The following C2CD2 variants were observed in gnomAD, a reference collection of about 807,000 sequenced individuals.
The protein encoded by C2CD2 is C2 calcium dependent domain containing 2.
A neutral mutation model predicts 74.3 loss-of-function variants in C2CD2; 43 were observed. The ratio of observed to expected loss-of-function variants is 0.58; its 90% CI spans 0.45 to 0.75. The LOEUF (loss-of-function observed/expected upper bound fraction) is 0.75, where lower values mean the gene tolerates loss of function less well. Among genes scored for constraint, C2CD2 ranks in the 30% least tolerant of loss-of-function variants. The pLI is 0.00. For missense variants in C2CD2, 801 were observed against 916.3 expected, an observed-to-expected ratio of 0.87 and a Z score of 1.63; for synonymous variants, 422 against 390.7, an observed-to-expected ratio of 1.08 and a Z score of -0.94.
rs138524964 is a variant in C2CD2, at chr21:41,906,487, T to C, written c.1318+505A>G. On this transcript the variant is annotated intron_variant, in intron 10 of 13. Transcript: ENST00000380486. ...TTCAAGCAATTCTCCTGCCTCGGCC[T>C]CCAGAGTGGCTAGGACTCCACGCAC... Among the ~76,000 whole-genome samples the C allele has an allele frequency of 7.9e-3, 1,204 of 152,342 alleles. 35 individuals are homozygous for C. In the South Asian group the frequency reaches 0.079, roughly 10 times the overall value.
Position 41,918,949 on chromosome 21 carries a change from G to A in C2CD2, c.504C>T (p.His168=). The change falls in exon 4 of 14, where the codon CAC becomes CAT. Residue 168 remains histidine (H), a synonymous_variant. Coordinates refer to ENST00000380486, the MANE Select transcript of C2CD2 (RefSeq NM_015500.2). ...LSPFHLQLEF[H]MKEKREDLQI... ...GGAGGTCCTCTCTCTTCTCCTTCATGTGGAACTCCAGCTATTAAAAAACAA... is the reference window on the plus strand; with the variant it reads ...GGAGGTCCTCTCTCTTCTCCTTCATATGGAACTCCAGCTATTAAAAAACAA... The A allele has an allele frequency of 2.5e-6, 4 of 1,613,500 alleles. No homozygotes were observed. The highest frequency in any genetic ancestry group is 3.4e-6 in the Non-Finnish European group (4 of 1,179,422).
At position 41,926,019 on chromosome 21, in the gene C2CD2, T is replaced by C. The variant is rs558339696; in HGVS notation, c.379-3934A>G. On this transcript the variant is annotated intron_variant, in intron 2 of 13. Coordinates refer to ENST00000380486, the MANE Select transcript of C2CD2 (RefSeq NM_015500.2). This position sits in a 1 kb window ranked among gnomAD's most constrained non-coding sequence, Gnocchi z 8.0. ...CCCTGAGTGTTTCCCTCTGAAACAGTCTGCTATTAATACAGGATTTTAAAA... is the reference window on the plus strand; with the variant it reads ...CCCTGAGTGTTTCCCTCTGAAACAGCCTGCTATTAATACAGGATTTTAAAA... Among the ~76,000 whole-genome samples the C allele has an allele frequency of 3.9e-5, 6 of 152,312 alleles. No individual in the cohort carries two copies. Among genetic ancestry groups the C allele is most frequent in the African/African-American group, 1.4e-4 (6 of 41,562 alleles).
chr21:41,907,256 A>G (rs749052596), intron 9 of C2CD2, 90 bp from the exon 10 acceptor site: 94 of 979,750 alleles, frequency 9.6e-5, no homozygotes, highest in Non-Finnish European at 1.4e-4. Flanking sequence ...TGAAATAACC[A>G]TAATTCATAA....
intron 2 of C2CD2, 130 bp downstream of exon 2, chr21:41,942,017 G>T: frequency 8.1e-7 from 1 of 1,230,432 alleles, no homozygotes; most frequent in Non-Finnish European, 1.1e-6. Flanking sequence ...CAGCTGATGG[G>T]CCAGATGGTT....
intron 1 of C2CD2, among the ~76,000 whole-genome samples, chr21:41,949,286 T>A (rs1331966093): frequency 6.6e-6 from 1 of 152,180 alleles, no homozygotes; most frequent in East Asian, 1.9e-4. Flanking sequence ...TAAATATTGA[T>A]GTAATCGCAG....
Position 41,947,262 on chromosome 21 carries a change from A to G in C2CD2, c.280-5017T>C, listed in dbSNP as rs553636392. On this transcript the variant is annotated intron_variant, in intron 1 of 13. Coordinates refer to ENST00000380486, the MANE Select transcript of C2CD2 (RefSeq NM_015500.2). ...AACCTCTGCCTCCTGGGTTCAAGCA[A>G]TTCTCCTGCCTCAGCATCCCGAGTA... Among the ~76,000 whole-genome samples, 4 of 151,494 alleles carry G rather than the reference A, an allele frequency of 2.6e-5. No individual in the cohort carries two copies. In the East Asian group the frequency reaches 5.8e-4, roughly 22 times the overall value.
At position 41,909,519 on chromosome 21, in the gene C2CD2, A is replaced by G; in HGVS notation, c.958T>C (p.Leu320=). ...LMWEEEFTFE[L]NAKSKELHLQ... is the part of the protein sequence containing the mutation. ...TGTAACTCCTTCGACTTGGCATTCA[A>G]CTCGCTTTGGAAGAGAAACAAGTTA... is the stretch of plus-strand genomic sequence containing the variant. The change falls in exon 8 of 14, where the codon TTG becomes CTG. Residue 320 remains leucine, a synonymous_variant. Coordinates refer to ENST00000380486, the MANE Select transcript of C2CD2 (RefSeq NM_015500.2). 1 of 1,611,298 alleles carries G rather than the reference A, an allele frequency of 6.2e-7. No homozygotes were observed. Among genetic ancestry groups the G allele is most frequent in the Non-Finnish European group, 8.5e-7 (1 of 1,177,436 alleles).
chr21:41,950,258 C>T (rs1043711567), intron 1 of C2CD2, among the ~76,000 whole-genome samples: 9 of 152,216 alleles, frequency 5.9e-5, no homozygotes, highest in Non-Finnish European at 1.2e-4. Context: ...CCCAAGCCTA[C>T]TGAGGCGGAT....
At chr21:41,943,519 G>A (rs1287848533) in intron 1 of C2CD2, among the ~76,000 whole-genome samples, 1 of 152,108 alleles carries the variant, frequency 6.6e-6, no homozygotes, top group East Asian at 1.9e-4. Context: ...AAAGCACACC[G>A]TGTTTCAATG....
rs775060036 is a variant in C2CD2, at chr21:41,907,000, A to G, written c.1310T>C (p.Leu437Pro). Residue 437 changes from leucine (L) to proline (P), a missense_variant, in exon 10 of 14, where the codon CTG (leucine) becomes CCG (proline). Transcript: ENST00000380486. ...PRVDVGRASPLSSDSPVKTPI... is the reference protein window; with the variant it reads ...PRVDVGRASPPSSDSPVKTPI... ...CGTTCCTGTTGTCTCACCAGAGCTC[A>G]GCGGGGACGCCCTCCCCACGTCGAC... 3 of 1,613,186 alleles carry G rather than the reference A, an allele frequency of 1.9e-6. No homozygotes were observed. Among genetic ancestry groups the G allele is most frequent in the Non-Finnish European group, 2.5e-6 (3 of 1,179,482 alleles).
intron 2 of C2CD2, among the ~76,000 whole-genome samples, chr21:41,940,336 G>A (rs142250818): frequency 4.6e-5 from 7 of 152,192 alleles, no homozygotes; most frequent in African/African-American, 1.4e-4. Flanking sequence ...TCAAAATTAC[G>A]GTGATCTACA....
intron 2 of C2CD2, among the ~76,000 whole-genome samples, chr21:41,925,111 G>A (rs937811015): frequency 2.0e-5 from 3 of 152,054 alleles, no homozygotes; most frequent in African/African-American, 4.8e-5. Context: ...CTAGGGCTTC[G>A]CTACCCTCTA....
Position 41,912,381 on chromosome 21 carries a change from T to C in C2CD2, c.904A>G (p.Thr302Ala), listed in dbSNP as rs2065035613. ...AGGTCCGGAGTGTTTTTCGTCAGGGTGCTGGAGAACCTCTGAACAGGATCG... is the reference window on the plus strand; with the variant it reads ...AGGTCCGGAGTGTTTTTCGTCAGGGCGCTGGAGAACCTCTGAACAGGATCG... ...LNDPVQRFSS[T>A]LTKNTPDLMW... Residue 302 changes from threonine to alanine, a missense_variant, in exon 7 of 14, where the codon ACC becomes GCC. Coordinates refer to ENST00000380486, the MANE Select transcript of C2CD2 (RefSeq NM_015500.2). 6.2e-7 allele frequency: 1 copy of C among 1,612,684 alleles called. No individual in the cohort carries two copies. Among genetic ancestry groups the C allele is most frequent in the African/African-American group, 1.3e-5 (1 of 74,894 alleles).
rs776083648 is a variant in C2CD2 at position 41,914,663 on chromosome 21, G to A, written c.779C>T (p.Ala260Val). 4 of 1,613,688 alleles carry A rather than the reference G, an allele frequency of 2.5e-6. No homozygotes were observed. The highest frequency in any genetic ancestry group is 1.7e-5 in the Admixed American group (1 of 60,022). The stretch of plus-strand genomic sequence containing the variant: ...CCTCACCAGTAGCTTCAGCTCGTGA[G>A]CCCTTGGAGGTTTAGGAGGACAGGA... ...QESCPPKPPR[A>V]HELKLLVRNI... Residue 260 changes from alanine (A) to valine (V), a missense_variant, in exon 6 of 14, where the codon GCT becomes GTT. Transcript: ENST00000380486.
intron 2 of C2CD2, among the ~76,000 whole-genome samples, chr21:41,931,522 A>C (rs1362338015): frequency 5.4e-5 from 8 of 146,808 alleles, no homozygotes; most frequent in African/African-American, 2.0e-4. Flanking sequence ...TCCCAGATTC[A>C]AGCAATTCCC....
chr21:41,909,128 GT>G (rs1401482362), intron 8 of C2CD2, among the ~76,000 whole-genome samples: 1 of 152,118 alleles, frequency 6.6e-6, no homozygotes, highest in African/African-American at 2.4e-5. Flanking sequence ...AAAAGGTTTT[GT>G]TTTTGTTTTT....
rs142320157 is a variant in C2CD2, at chr21:41,915,401, CCCAAACCGGGTT to C, written c.721-692_721-681del. On this transcript the variant is annotated intron_variant, in intron 5 of 13. Transcript: ENST00000380486. ...AGAGCCCAGCTTCAAACCAGCATTT[CCCAAACCGGGTT>C]CCACCTGTCACTCACTGCCAAGAGT... Among the ~76,000 whole-genome samples the C allele has an allele frequency of 2.7e-3, 411 of 152,272 alleles. 1 individual carries two copies. Among genetic ancestry groups the C allele is most frequent in the African/African-American group, 9.2e-3 (384 of 41,542 alleles).
intron 2 of C2CD2, among the ~76,000 whole-genome samples, chr21:41,936,015 G>A (rs570536302): frequency 2.6e-5 from 4 of 151,356 alleles, no homozygotes; most frequent in East Asian, 3.9e-4. Context: ...AACATAGAAG[G>A]AAAGCTTTAA....
chr21:41,926,867 T>A lies in C2CD2; in HGVS notation c.379-4782A>T, dbSNP rs1355726354. 6.6e-6 allele frequency among the ~76,000 whole-genome samples: 1 copy of A among 152,020 alleles called. No homozygotes were observed. The highest frequency in any genetic ancestry group is 1.9e-4 in the East Asian group (1 of 5,174). On this transcript the variant is annotated intron_variant, in intron 2 of 13. Coordinates refer to ENST00000380486, the MANE Select transcript of C2CD2 (RefSeq NM_015500.2). This position sits in a 1 kb window ranked among gnomAD's most constrained non-coding sequence, Gnocchi z 8.0. ...CAAAAGGTTTAGATACTCGAATAAT[T>A]TTCACTTTCATCACATTCTGTAACA...
Sources: gnomAD v4.1 joint callset for allele counts (sites outside exome capture counted in the v4.1 genomes callset) on GRCh38, gnomAD v4.1.1 for gene constraint, Gnocchi (gnomAD v3.1) non-coding constraint, MANE v1.5 for transcripts, NCBI Gene and HGNC (gene_info 2026-07-23, HGNC 2026-07-21) for gene names.